SNX32: variants seen among roughly 807,000 people sequenced by gnomAD.
SNX32 encodes the protein sorting nexin-32.
SNX32 carries 58 observed loss-of-function variants against 57.0 expected under a neutral mutation model. The observed-to-expected ratio is 1.02, with a 90% CI of 0.82 to 1.27. The LOEUF is 1.27. Ranked by LOEUF, SNX32 falls within the 50% of genes most tolerant of loss-of-function variation. The pLI is 0.00. For synonymous variants in SNX32, 262 were observed against 220.4 expected, an observed-to-expected ratio of 1.19 and a Z score of -1.67; for missense variants, 589 against 541.2, an observed-to-expected ratio of 1.09 and a Z score of -0.88.
At chr11:65,846,563 T>A (rs1246624325) in intron 1 of SNX32, among the ~76,000 whole-genome samples, 10 of 148,184 alleles carry the variant, frequency 6.7e-5, no homozygotes, top group Admixed American at 6.7e-4. Flanking sequence ...TGAAACTCTG[T>A]CTCGAAAAAA....
chr11:65,847,352 G>A (rs567704070), intron 1 of SNX32, among the ~76,000 whole-genome samples: 2 of 151,992 alleles, frequency 1.3e-5, no homozygotes, highest in Non-Finnish European at 2.9e-5. Context: ...ACATGCCCGT[G>A]GTCCTTGCTA....
At chr11:65,851,746 G>C (rs1366978828) in intron 9 of SNX32, 67 bp downstream of exon 9, 2 of 1,546,722 alleles carry the variant, frequency 1.3e-6, no homozygotes, top group Non-Finnish European at 1.8e-6. Flanking sequence ...AGTCCTGGCA[G>C]AGGGAAGAGC....
At chr11:65,844,547 A>G (rs1858935806) in intron 1 of SNX32, among the ~76,000 whole-genome samples, 1 of 152,212 alleles carries the variant, frequency 6.6e-6, no homozygotes, top group Admixed American at 6.6e-5. Context: ...CTGGGAGTGT[A>G]CATTGGTTTA....
At chr11:65,838,027 G>A (rs538224077) in intron 1 of SNX32, among the ~76,000 whole-genome samples, 1 of 151,686 alleles carries the variant, frequency 6.6e-6, no homozygotes, top group East Asian at 1.9e-4. Context: ...GTACTGGCAG[G>A]CACCTGTAAT....
rs1357695324 is a variant in SNX32 at position 65,853,347 on chromosome 11, C to T, written c.*12C>T. The T allele has an allele frequency of 6.2e-7, 1 of 1,613,874 alleles. No homozygotes were observed. The highest frequency in any genetic ancestry group is 1.1e-5 in the South Asian group (1 of 91,082). On this transcript the variant is annotated 3_prime_UTR_variant, in exon 13 of 13. Transcript: ENST00000308342. ...AGGGGGAGCCTTAGAGTAGCCAGAG[C>T]TCAGCCAGACCCTAATCTGGGATCT... is the stretch of plus-strand genomic sequence containing the variant.
At chr11:65,843,577 G>C (rs1028856918) in intron 1 of SNX32, among the ~76,000 whole-genome samples, 4 of 151,942 alleles carry the variant, frequency 2.6e-5, no homozygotes, top group African/African-American at 9.7e-5. Context: ...AAAAGAAAAA[G>C]AAAAAGAAAA....
chr11:65,852,979 G>A (rs1381965150), intron 12 of SNX32, 21 bp downstream of exon 12: 2 of 1,612,748 alleles, frequency 1.2e-6, no homozygotes, highest in Middle Eastern at 1.7e-4. Context: ...CCACCTCACT[G>A]GGCCCTTGTG....
rs150812976 is a variant in SNX32 at position 65,849,136 on chromosome 11, G to A, written c.37-342G>A. ...TCCAGCCTGGGCAGTGCAAGACTCC[G>A]TCTAAAAAAACAAACAAAGAAACAA... On this transcript the variant is annotated intron_variant, in intron 1 of 12. Coordinates refer to ENST00000308342, the MANE Select transcript of SNX32 (RefSeq NM_152760.3). Among the ~76,000 whole-genome samples the A allele has an allele frequency of 9.8e-3, 1,493 of 152,182 alleles. 23 individuals are homozygous for A. Among genetic ancestry groups the A allele is most frequent in the African/African-American group, 0.033 (1,385 of 41,520 alleles).
intron 1 of SNX32, among the ~76,000 whole-genome samples, chr11:65,847,805 G>A (rs529824883): frequency 1.7e-4 from 26 of 152,070 alleles, no homozygotes; most frequent in African/African-American, 6.3e-4. Context: ...AGCTACTCAG[G>A]AGGCTGAGGC....
At chr11:65,835,343 G>A (rs1858639888) in intron 1 of SNX32, among the ~76,000 whole-genome samples, 1 of 143,994 alleles carries the variant, frequency 6.9e-6, no homozygotes, top group African/African-American at 2.5e-5. Context: ...TAGGGGGTGG[G>A]AGGTGAGGGC....
intron 9 of SNX32, 53 bp downstream of exon 9, chr11:65,851,732 G>C: frequency 6.3e-7 from 1 of 1,589,804 alleles, no homozygotes; most frequent in Non-Finnish European, 8.6e-7. Flanking sequence ...TTGCAGGGAA[G>C]ATGAGTCCTG....
chr11:65,834,985 G>T (rs1858625326), intron 1 of SNX32, among the ~76,000 whole-genome samples: 1 of 150,414 alleles, frequency 6.6e-6, no homozygotes, highest in Non-Finnish European at 1.5e-5. Context: ...GTATGTCGTT[G>T]TGTGTGTCTG....
chr11:65,844,145 G>A (rs1858923112), intron 1 of SNX32, among the ~76,000 whole-genome samples: 1 of 152,010 alleles, frequency 6.6e-6, no homozygotes, highest in Admixed American at 6.6e-5. Context: ...TGTTTTTCAG[G>A]GGTAGAAATG....
chr11:65,840,603 G>A (rs1287517833), intron 1 of SNX32, among the ~76,000 whole-genome samples: 1 of 152,024 alleles, frequency 6.6e-6, no homozygotes, highest in African/African-American at 2.4e-5. Context: ...AGGAGTTCGA[G>A]ACCAACCTGG....
intron 9 of SNX32, 38 bp downstream of exon 9, chr11:65,851,717 G>A: frequency 6.2e-7 from 1 of 1,609,638 alleles, no homozygotes; most frequent in Non-Finnish European, 8.5e-7. Flanking sequence ...CTTTCCTGGT[G>A]AGCTTTGCAG....
chr11:65,843,932 G>T (rs1012189850), intron 1 of SNX32, among the ~76,000 whole-genome samples: 1 of 152,192 alleles, frequency 6.6e-6, no homozygotes, highest in African/African-American at 2.4e-5. Flanking sequence ...TACAAAAGAA[G>T]ATATGCAGAT....
Position 65,852,934 on chromosome 11 carries a change from A to T in SNX32, c.1134A>T (p.Ala378=), listed in dbSNP as rs766750558. The T allele has an allele frequency of 6.2e-7, 1 of 1,614,168 alleles. No homozygotes were observed. The highest frequency in any genetic ancestry group is 1.1e-5 in the South Asian group (1 of 91,084). Residue 378 remains alanine, a synonymous_variant, in exon 12 of 13, where the codon GCA becomes GCT. Coordinates refer to ENST00000308342, the MANE Select transcript of SNX32 (RefSeq NM_152760.3). ...TTCGAAAGAATCTCATTGAGCTGGC[A>T]GAGCTGGAGCTCAAACACGCCAAGG... ...SSFRKNLIEL[A]ELELKHAKAS... is the part of the protein sequence containing the mutation.
At chr11:65,850,090 A>G (rs1859124281) in intron 3 of SNX32, 60 bp downstream of exon 3, 4 of 1,614,176 alleles carry the variant, frequency 2.5e-6, no homozygotes, top group Non-Finnish European at 3.4e-6. Context: ...TGAGGACCAA[A>G]GGCTGTGATG....
chr11:65,839,224 T>TTTTTTTTTTTTTGTTTGTTTG (rs1565245957), intron 1 of SNX32, among the ~76,000 whole-genome samples: 1 of 15,142 alleles, frequency 6.6e-5, no homozygotes, highest in Non-Finnish European at 1.8e-4. Flanking sequence ...AATTTTTTTG[T>TTTTTTTTTTTTTGTTTGTTTG]ATTTTTTTTT....
Sources: gnomAD v4.1 joint callset for allele counts (sites outside exome capture counted in the v4.1 genomes callset) on GRCh38, gnomAD v4.1.1 for gene constraint, MANE v1.5 for transcripts, NCBI Gene and HGNC (gene_info 2026-07-23, HGNC 2026-07-21) for gene names.